The following MEF2A variants were observed in gnomAD, a reference collection of about 807,000 sequenced individuals.
MEF2A encodes the protein myocyte enhancer factor 2A, also known as myocyte-specific enhancer factor 2A.
In MEF2A, 28 loss-of-function variants were observed where a neutral mutation model predicts 55.8. The ratio of observed to expected loss-of-function variants is 0.50; its 90% CI spans 0.37 to 0.69. The LOEUF (loss-of-function observed/expected upper bound fraction) is 0.69. Ranked by LOEUF, MEF2A falls within the 30% of genes least tolerant of loss-of-function variation. MEF2A has a pLI of 0.00. For synonymous variants in MEF2A, 239 were observed against 227.1 expected (o/e 1.05, Z -0.47); for missense variants, 528 against 626.2 (o/e 0.84, Z 1.67).
intron 2 of MEF2A, among the ~76,000 whole-genome samples, chr15:99,626,948 G>C (rs967518674): frequency 6.6e-6 from 1 of 152,112 alleles, no homozygotes; most frequent in East Asian, 1.9e-4. Flanking sequence ...TCTGGAAATG[G>C]AAGATTGTAA....
chr15:99,656,867 A>G (rs1046846247), intron 4 of MEF2A, among the ~76,000 whole-genome samples: 29 of 152,084 alleles, frequency 1.9e-4, no homozygotes, highest in African/African-American at 7.0e-4. Context: ...TTCTTAGTCC[A>G]TTCACAAGTT....
At chr15:99,611,999 G>T (rs2039342082) in intron 2 of MEF2A, among the ~76,000 whole-genome samples, 1 of 152,194 alleles carries the variant, frequency 6.6e-6, no homozygotes, top group South Asian at 2.1e-4. Flanking sequence ...ATTTGCTGGG[G>T]ACTAGGGAGA....
At chr15:99,683,395 T>C (rs760793787) in intron 7 of MEF2A, among the ~76,000 whole-genome samples, 2 of 152,094 alleles carry the variant, frequency 1.3e-5, no homozygotes, top group Non-Finnish European at 2.9e-5. Flanking sequence ...ACACTAATCA[T>C]CTGGAACTCA....
chr15:99,676,667 G>T (rs2052134641), intron 7 of MEF2A, among the ~76,000 whole-genome samples: 1 of 151,850 alleles, frequency 6.6e-6, no homozygotes, highest in South Asian at 2.1e-4. Context: ...TCACCTCCCG[G>T]GTTCACGCCA....
intron 4 of MEF2A, among the ~76,000 whole-genome samples, chr15:99,665,221 G>A (rs1471206256): frequency 1.3e-5 from 2 of 152,170 alleles, no homozygotes; most frequent in African/African-American, 2.4e-5. Context: ...CACTCACTAA[G>A]TTTCAGGCTT....
chr15:99,703,485 AT>A (rs996287781), intron 9 of MEF2A, 100 bp downstream of exon 9: 49 of 1,239,996 alleles, frequency 4.0e-5, no homozygotes, highest in Non-Finnish European at 5.1e-5. Context: ...TGTTACACAA[AT>A]TTTTTTAAAC....
chr15:99,659,911 A>G (rs1377621848), intron 4 of MEF2A, among the ~76,000 whole-genome samples: 1 of 152,258 alleles, frequency 6.6e-6, no homozygotes, highest in African/African-American at 2.4e-5. Context: ...AAATTGAATA[A>G]TCTTGTCAAG....
At chr15:99,567,687 A>G (rs561544840) in intron 1 of MEF2A, among the ~76,000 whole-genome samples, 1 of 147,442 alleles carries the variant, frequency 6.8e-6, no homozygotes, top group Non-Finnish European at 1.5e-5. Context: ...CTCAGTCTCC[A>G]TTTCTTTTTC....
chr15:99,661,589 G>A (rs1050047375), intron 4 of MEF2A, among the ~76,000 whole-genome samples: 3 of 151,950 alleles, frequency 2.0e-5, no homozygotes, highest in Non-Finnish European at 4.4e-5. Context: ...ACTTGAATAG[G>A]TGCCTCACAA....
intron 3 of MEF2A, among the ~76,000 whole-genome samples, chr15:99,636,756 C>G (rs1036349308): frequency 6.6e-6 from 1 of 152,168 alleles, no homozygotes; most frequent in Admixed American, 6.5e-5. Context: ...TCTTTACTTA[C>G]CATAAGGCCA....
chr15:99,697,350 AC>A (rs1335014555), intron 8 of MEF2A, among the ~76,000 whole-genome samples: 7 of 152,028 alleles, frequency 4.6e-5, no homozygotes, highest in Non-Finnish European at 1.5e-5. Flanking sequence ...TAAAGAAATT[AC>A]AAAAAAAACT....
At chr15:99,668,253 T>C (rs1012079432) in intron 4 of MEF2A, among the ~76,000 whole-genome samples, 1 of 152,204 alleles carries the variant, frequency 6.6e-6, no homozygotes, top group African/African-American at 2.4e-5. Context: ...TTGGGACCTT[T>C]AAATTAGTTT....
chr15:99,586,885 T>A (rs1007633795), intron 1 of MEF2A, among the ~76,000 whole-genome samples: 1 of 152,136 alleles, frequency 6.6e-6, no homozygotes, highest in Non-Finnish European at 1.5e-5. Flanking sequence ...GTTGATAAGG[T>A]TTTTCTTTTC....
Position 99,650,375 on chromosome 15 carries a change from T to G in MEF2A, c.258+4611T>G, listed in dbSNP as rs145164819. Reference sequence around the variant, plus strand: ...ACATACACCAATCATGTACGATCTATAGCAGTCACGAATAAGTTTTCCTCA... The same window carrying G: ...ACATACACCAATCATGTACGATCTAGAGCAGTCACGAATAAGTTTTCCTCA... On this transcript the variant is annotated intron_variant, in intron 4 of 11. Coordinates refer to ENST00000557942, the MANE Select transcript of MEF2A (RefSeq NM_001319206.4). Among the ~76,000 whole-genome samples, 105 of 152,326 alleles carry G rather than the reference T, an allele frequency of 6.9e-4. No homozygotes were observed. The East Asian group carries it at 0.012, about 17-fold the overall frequency.
chr15:99,694,610 G>T (rs775638960), intron 8 of MEF2A, among the ~76,000 whole-genome samples: 2 of 152,164 alleles, frequency 1.3e-5, no homozygotes, highest in Non-Finnish European at 2.9e-5. Flanking sequence ...TCACCTGGCT[G>T]ATGTTTAACA....
At chr15:99,676,676 C>T (rs2052141240) in intron 7 of MEF2A, among the ~76,000 whole-genome samples, 1 of 151,914 alleles carries the variant, frequency 6.6e-6, no homozygotes, top group South Asian at 2.1e-4. Flanking sequence ...GGGTTCACGC[C>T]ATTCTGCCTC....
chr15:99,625,517 T>C (rs1023430270), intron 2 of MEF2A, among the ~76,000 whole-genome samples: 3 of 152,130 alleles, frequency 2.0e-5, no homozygotes, highest in Admixed American at 1.3e-4. Context: ...CAGTGTTGAA[T>C]AGAAGTGGTG....
chr15:99,705,143 G>A (rs1394366271), intron 9 of MEF2A, among the ~76,000 whole-genome samples: 2 of 152,232 alleles, frequency 1.3e-5, no homozygotes, highest in African/African-American at 4.8e-5. Context: ...CCGAAGTGCA[G>A]AAGGACAGGT....
chr15:99,602,107 G>A lies in MEF2A; in HGVS notation c.-143+3596G>A, dbSNP rs528397304. ...GGGGTATAAGGCAGAAGGAGAGACC[G>A]AGGCAAGTTTTAGAGCAGGAGTGAA... On this transcript the variant is annotated intron_variant, in intron 2 of 11. Transcript: ENST00000557942. Among the ~76,000 whole-genome samples, 18 of 152,230 alleles carry A rather than the reference G, an allele frequency of 1.2e-4. 1 individual carries two copies. The South Asian group carries it at 3.7e-3, about 32-fold the overall frequency.
Sources: gnomAD v4.1 joint callset for allele counts (sites outside exome capture counted in the v4.1 genomes callset) on GRCh38, gnomAD v4.1.1 for gene constraint, MANE v1.5 for transcripts, NCBI Gene and HGNC (gene_info 2026-07-23, HGNC 2026-07-21) for gene names.